The following LRMDA variants were observed in gnomAD, a reference collection of about 807,000 sequenced individuals.
LRMDA encodes the protein leucine rich melanocyte differentiation associated.
LRMDA carries 18 observed loss-of-function variants against 29.8 expected under a neutral mutation model. The ratio of observed to expected loss-of-function variants is 0.60; its 90% confidence interval spans 0.42 to 0.90. LRMDA has a LOEUF of 0.90. LRMDA is among the 40% of genes least tolerant of loss of function. LRMDA has a pLI of 0.00. For missense variants in LRMDA, 273 were observed against 273.9 expected, an observed-to-expected ratio of 1.00 and a Z score of 0.02; for synonymous variants, 125 against 109.4, an observed-to-expected ratio of 1.14 and a Z score of -0.89.
intron 2 of LRMDA, among the ~76,000 whole-genome samples, chr10:75,717,259 A>G (rs1162420830): frequency 6.6e-6 from 1 of 152,072 alleles, no homozygotes; most frequent in African/African-American, 2.4e-5. Context: ...TGACAGAATG[A>G]CTTCAGCAGG....
chr10:76,398,084 C>T lies in LRMDA; in HGVS notation c.601+73599C>T, dbSNP rs572569395. On this transcript the variant is annotated intron_variant, in intron 6 of 6. Coordinates refer to ENST00000611255, the MANE Select transcript of LRMDA (RefSeq NM_001305581.2). ...AGTATGTTTTCAGCTGTGCCAGAAC[C>T]GAGCAGGTCTGCGGCTCCTTTGTAA... is the stretch of plus-strand genomic sequence containing the variant. 2.8e-4 allele frequency among the ~76,000 whole-genome samples: 42 copies of T among 152,270 alleles called. No homozygotes were observed. In the South Asian group the frequency reaches 7.3e-3, roughly 26 times the overall value.
chr10:75,882,233 C>T (rs770487065), intron 2 of LRMDA, among the ~76,000 whole-genome samples: 2 of 152,018 alleles, frequency 1.3e-5, no homozygotes, highest in African/African-American at 2.4e-5. Context: ...CAGGTGGTGG[C>T]CAGGAATCTT....
intron 2 of LRMDA, among the ~76,000 whole-genome samples, chr10:75,741,759 A>G (rs1842832290): frequency 1.3e-5 from 2 of 152,188 alleles, no homozygotes; most frequent in African/African-American, 4.8e-5. Flanking sequence ...AAGTACATGT[A>G]GAGCACCTGC....
chr10:75,809,180 G>A (rs1485222543), intron 2 of LRMDA, among the ~76,000 whole-genome samples: 1 of 152,186 alleles, frequency 6.6e-6, no homozygotes, highest in African/African-American at 2.4e-5. Flanking sequence ...ACTCGGGGAG[G>A]ATCAGCCACC....
intron 2 of LRMDA, among the ~76,000 whole-genome samples, chr10:75,962,936 A>G (rs1349130374): frequency 6.6e-6 from 1 of 152,208 alleles, no homozygotes; most frequent in Non-Finnish European, 1.5e-5. Flanking sequence ...ACATCCTGTT[A>G]TTGATGTATG....
chr10:76,351,103 A>G (rs1841171132), intron 6 of LRMDA, among the ~76,000 whole-genome samples: 1 of 152,136 alleles, frequency 6.6e-6, no homozygotes, highest in South Asian at 2.1e-4. Context: ...AGTCAAAGGC[A>G]ATTTAGTGTG....
chr10:75,649,461 G>C (rs1266056029), intron 2 of LRMDA, among the ~76,000 whole-genome samples: 1 of 152,156 alleles, frequency 6.6e-6, no homozygotes, highest in Non-Finnish European at 1.5e-5. Flanking sequence ...TTGTGTATCT[G>C]TTCATATGTT....
chr10:75,613,306 G>T (rs1841057058), intron 2 of LRMDA, among the ~76,000 whole-genome samples: 1 of 152,114 alleles, frequency 6.6e-6, no homozygotes, highest in Non-Finnish European at 1.5e-5. Flanking sequence ...CATCAGACTT[G>T]CAGATAGCTA....
chr10:75,706,285 G>A (rs531865186), intron 2 of LRMDA, among the ~76,000 whole-genome samples: 1 of 151,760 alleles, frequency 6.6e-6, no homozygotes, highest in Non-Finnish European at 1.5e-5. Context: ...ATGTCTTCAT[G>A]TATTGCATAT....
intron 2 of LRMDA, among the ~76,000 whole-genome samples, chr10:75,893,946 C>A (rs11001538): frequency 2.7e-3 from 363 of 133,646 alleles, no homozygotes; most frequent in African/African-American, 6.3e-3. Flanking sequence ...AAAAAAAAAA[C>A]AAAAAAAAAA....
chr10:76,503,554 G>C (rs1054288370), intron 6 of LRMDA, among the ~76,000 whole-genome samples: 13 of 151,162 alleles, frequency 8.6e-5, no homozygotes, highest in Admixed American at 6.6e-5. Context: ...GATCAATCTT[G>C]GGAGATTGTA....
intron 5 of LRMDA, among the ~76,000 whole-genome samples, chr10:76,191,852 G>A (rs957743476): frequency 6.6e-6 from 1 of 152,172 alleles, no homozygotes; most frequent in East Asian, 1.9e-4. Flanking sequence ...GTTAGAAAAA[G>A]CCTTTTCCCA....
Position 75,742,060 on chromosome 10 carries a change from GA to G in LRMDA, c.132-293943del, listed in dbSNP as rs761320220. Among the ~76,000 whole-genome samples, 22 of 152,300 alleles carry G rather than the reference GA, an allele frequency of 1.4e-4. 1 individual carries two copies. Among genetic ancestry groups the G allele is most frequent in the Middle Eastern group, 6.8e-3 (2 of 294 alleles). On this transcript the variant is annotated intron_variant, in intron 2 of 6. Coordinates refer to ENST00000611255, the MANE Select transcript of LRMDA (RefSeq NM_001305581.2). Reference sequence around the variant, plus strand: ...AAGAACTTCCATCCTGCAGAACCACGAAAAATACGTTTCTGTTGTTTGTGAG... The same window carrying G: ...AAGAACTTCCATCCTGCAGAACCACGAAAATACGTTTCTGTTGTTTGTGAG...
At chr10:76,172,569 C>T (rs965989835) in intron 5 of LRMDA, among the ~76,000 whole-genome samples, 3 of 152,172 alleles carry the variant, frequency 2.0e-5, no homozygotes, top group Non-Finnish European at 4.4e-5. Flanking sequence ...TGAGTGCTTA[C>T]TGATCAGAGC....
intron 2 of LRMDA, among the ~76,000 whole-genome samples, chr10:75,788,950 C>G (rs1425850949): frequency 6.6e-6 from 1 of 152,230 alleles, no homozygotes; most frequent in Non-Finnish European, 1.5e-5. Context: ...GCACATGAAC[C>G]AGCATTTGTG....
chr10:76,225,768 G>A (rs1384362300), intron 5 of LRMDA, among the ~76,000 whole-genome samples: 9 of 150,168 alleles, frequency 6.0e-5, no homozygotes. Flanking sequence ...GCATACATGT[G>A]CACAACATGC....
chr10:75,689,056 T>G (rs1174921494), intron 2 of LRMDA, among the ~76,000 whole-genome samples: 1 of 152,152 alleles, frequency 6.6e-6, no homozygotes, highest in East Asian at 1.9e-4. Context: ...ATTTGGATTG[T>G]TTGCTTTATC....
chr10:75,946,556 C>T (rs978612491), intron 2 of LRMDA, among the ~76,000 whole-genome samples: 3 of 152,110 alleles, frequency 2.0e-5, no homozygotes, highest in African/African-American at 7.2e-5. Flanking sequence ...TGTGAAAGGT[C>T]GCACAACCTC....
At chr10:75,943,271 C>T (rs1846425569) in intron 2 of LRMDA, among the ~76,000 whole-genome samples, 1 of 152,000 alleles carries the variant, frequency 6.6e-6, no homozygotes, top group Admixed American at 6.6e-5. Flanking sequence ...TAAATCATCC[C>T]ACCAGGAATC....
Sources: allele counts gnomAD v4.1 joint callset (sites outside exome capture counted in the v4.1 genomes callset), GRCh38; gene constraint gnomAD v4.1.1; transcripts MANE v1.5; gene names NCBI Gene and HGNC (gene_info 2026-07-23, HGNC 2026-07-21).